Variants in TTLL11 observed in about 807,000 individuals in gnomAD.
TTLL11 encodes tubulin polyglutamylase TTLL11.
Under a neutral mutation model 51.7 loss-of-function variants are expected in TTLL11, and 42 were observed. That is an observed-to-expected ratio of 0.81 (90% CI 0.64 to 1.05). TTLL11 has a LOEUF of 1.05. TTLL11 is among the 50% of genes least tolerant of loss of function. The pLI is 0.00. For synonymous variants in TTLL11, 381 were observed against 383.5 expected (o/e 0.99, Z 0.08); for missense variants, 799 against 940.4 (o/e 0.85, Z 1.97).
chr9:122,078,487 G>A (rs1845916049), intron 1 of TTLL11, among the ~76,000 whole-genome samples: 2 of 152,168 alleles, frequency 1.3e-5, no homozygotes, highest in African/African-American at 4.8e-5. Flanking sequence ...AAGAGGAATA[G>A]CACAGCATGA....
chr9:121,867,433 T>C lies in TTLL11; in HGVS notation c.1733+3064A>G, dbSNP rs188822817. On this transcript the variant is annotated intron_variant, in intron 7 of 8. Transcript: ENST00000321582. ...TAGCTGATGCTTCCTGCCTAACCTG[T>C]AGGCAAGTGAGGTGGTGATTCTTAC... 5.6e-3 allele frequency among the ~76,000 whole-genome samples: 853 copies of C among 152,274 alleles called. 14 individuals are homozygous for C. The highest frequency in any genetic ancestry group is 0.017 in the Middle Eastern group (5 of 294).
intron 3 of TTLL11, among the ~76,000 whole-genome samples, chr9:122,012,633 A>ATTTTCCTC (rs1843834722): frequency 6.6e-6 from 1 of 150,852 alleles, no homozygotes; most frequent in East Asian, 1.9e-4. Context: ...ATTGCACAGG[A>ATTTTCCTC]CTGTCTCTGG....
intron 1 of TTLL11, among the ~76,000 whole-genome samples, chr9:122,043,207 G>A (rs535436555): frequency 2.0e-5 from 3 of 152,230 alleles, no homozygotes; most frequent in African/African-American, 7.2e-5. Context: ...TGCACCATAT[G>A]CTCAATTTTG....
At chr9:121,916,027 ACACACACT>A (rs1840311666) in intron 6 of TTLL11, among the ~76,000 whole-genome samples, 1 of 149,084 alleles carries the variant, frequency 6.7e-6, no homozygotes, top group Non-Finnish European at 1.5e-5. Context: ...ACACACACAC[ACACACACT>A]GAGGGGGTTC....
chr9:121,978,492 T>G (rs1588171499), intron 4 of TTLL11, among the ~76,000 whole-genome samples: 1 of 114,412 alleles, frequency 8.7e-6, no homozygotes, highest in African/African-American at 3.3e-5. Flanking sequence ...TTTATTTATT[T>G]ATTGAAAATT....
At chr9:122,077,264 A>G (rs1413003331) in intron 1 of TTLL11, among the ~76,000 whole-genome samples, 1 of 152,216 alleles carries the variant, frequency 6.6e-6, no homozygotes, top group Non-Finnish European at 1.5e-5. Flanking sequence ...TAAAATACCA[A>G]TAACGCCTAA....
intron 7 of TTLL11, 40 bp downstream of exon 7, chr9:121,870,457 C>A: frequency 6.5e-7 from 1 of 1,533,806 alleles, no homozygotes; most frequent in South Asian, 1.2e-5. Flanking sequence ...GGACTCCACC[C>A]AGCCCAAAGC....
intron 6 of TTLL11, among the ~76,000 whole-genome samples, chr9:121,949,761 T>TA (rs932204506): frequency 5.9e-5 from 9 of 152,066 alleles, no homozygotes; most frequent in Admixed American, 1.3e-4. Flanking sequence ...AAATATTCAT[T>TA]AAAAAATCTG....
intron 6 of TTLL11, among the ~76,000 whole-genome samples, chr9:121,897,860 CCTT>C (rs1460527286): frequency 1.3e-4 from 20 of 151,950 alleles, no homozygotes; most frequent in African/African-American, 4.8e-4. Flanking sequence ...GGATGTTTTT[CCTT>C]CTTCTCCCTT....
chr9:121,993,636 C>T (rs1843174098), intron 3 of TTLL11, among the ~76,000 whole-genome samples: 1 of 152,168 alleles, frequency 6.6e-6, no homozygotes, highest in African/African-American at 2.4e-5. Context: ...GGGATCAGCA[C>T]ATTGGGATGA....
intron 6 of TTLL11, among the ~76,000 whole-genome samples, chr9:121,882,001 T>C (rs1838814813): frequency 6.6e-6 from 1 of 152,216 alleles, no homozygotes; most frequent in Admixed American, 6.5e-5. Flanking sequence ...TTCATCTGTA[T>C]AATAGGGATA....
At chr9:121,976,704 TG>T (rs1842720872) in intron 4 of TTLL11, among the ~76,000 whole-genome samples, 2 of 152,294 alleles carry the variant, frequency 1.3e-5, no homozygotes, top group South Asian at 4.1e-4. Flanking sequence ...TGACCATTTT[TG>T]GGGGCTGATT....
intron 1 of TTLL11, among the ~76,000 whole-genome samples, chr9:122,072,914 T>C (rs748114969): frequency 4.6e-5 from 7 of 152,226 alleles, no homozygotes; most frequent in Non-Finnish European, 1.0e-4. Context: ...CAGGGTGTCA[T>C]TTCTTTGTTT....
chr9:121,854,621 C>A (rs1837759311), intron 8 of TTLL11, among the ~76,000 whole-genome samples: 1 of 152,192 alleles, frequency 6.6e-6, no homozygotes, highest in South Asian at 2.1e-4. Context: ...GTTTGTCTCT[C>A]ACAGCTGACA....
At chr9:122,083,477 A>G (rs1826424928) in intron 1 of TTLL11, among the ~76,000 whole-genome samples, 3 of 152,192 alleles carry the variant, frequency 2.0e-5, no homozygotes, top group South Asian at 4.1e-4. Flanking sequence ...TATGGTTCTT[A>G]CCATAGCACA....
chr9:122,063,575 T>C lies in TTLL11; in HGVS notation c.463-24207A>G, dbSNP rs139915974. ...TATTTAAGATCACCTGTATTTCGTT[T>C]AGTGGCTTTAAAGCAAAATTTATTT... is the stretch of plus-strand genomic sequence containing the variant. On this transcript the variant is annotated intron_variant, in intron 1 of 8. Transcript: ENST00000321582. Among the ~76,000 whole-genome samples, 940 of 152,384 alleles carry C rather than the reference T, an allele frequency of 6.2e-3. 4 individuals are homozygous for C. The highest frequency in any genetic ancestry group is 0.01 in the Middle Eastern group (3 of 294).
intron 6 of TTLL11, among the ~76,000 whole-genome samples, chr9:121,905,302 A>G (rs1839904672): frequency 1.3e-5 from 2 of 151,992 alleles, no homozygotes; most frequent in African/African-American, 4.8e-5. Context: ...ATATTTTCAC[A>G]TAGCTGAAGT....
chr9:121,920,261 C>T (rs535075063), intron 6 of TTLL11, among the ~76,000 whole-genome samples: 6 of 152,252 alleles, frequency 3.9e-5, no homozygotes, highest in African/African-American at 9.6e-5. Flanking sequence ...CAAGATTGCA[C>T]GACTGCACTC....
rs766757412 is a variant in TTLL11, at chr9:121,989,815, C to G, written c.694-45G>C. On this transcript the variant is annotated intron_variant, in intron 3 of 8. Coordinates refer to ENST00000321582, the MANE Select transcript of TTLL11 (RefSeq NM_001139442.2). This position sits in a 1 kb window ranked among gnomAD's most constrained non-coding sequence, Gnocchi z 4.2. ...TGGCCGACATTATATTGTTTTCCCT[C>G]TGGATCCCTAACACAGAGCAAGGCC... 80 of 1,547,060 alleles carry G rather than the reference C, an allele frequency of 5.2e-5. No homozygotes were observed. The highest frequency in any genetic ancestry group is 6.6e-5 in the Non-Finnish European group (76 of 1,149,336).
Sources: gnomAD v4.1 joint callset for allele counts (sites outside exome capture counted in the v4.1 genomes callset) on GRCh38, gnomAD v4.1.1 for gene constraint, Gnocchi (gnomAD v3.1) non-coding constraint, MANE v1.5 for transcripts, NCBI Gene and HGNC (gene_info 2026-07-23, HGNC 2026-07-21) for gene names.